Variants in SNED1 observed in about 807,000 individuals in gnomAD.
The protein encoded by SNED1 is sushi, nidogen and EGF-like domain-containing protein 1.
A neutral mutation model predicts 166.7 loss-of-function variants in SNED1; 81 were observed. The ratio of observed to expected loss-of-function variants is 0.49; its 90% confidence interval spans 0.41 to 0.58. The LOEUF is 0.58. Ranked by LOEUF, SNED1 falls within the 20% of genes least tolerant of loss-of-function variation. SNED1 has a pLI of 0.00. For synonymous variants in SNED1, 762 were observed against 822.0 expected, an observed-to-expected ratio of 0.93 and a Z score of 1.25; for missense variants, 1,604 against 2,000.2, an observed-to-expected ratio of 0.80 and a Z score of 3.78.
rs1001577952 is a variant in SNED1, at chr2:241,018,449, G to A, written c.214-11835G>A. On this transcript the variant is annotated intron_variant, in intron 1 of 31. Coordinates refer to ENST00000310397, the MANE Select transcript of SNED1 (RefSeq NM_001080437.3). The surrounding 1 kb of genome is among the most constrained non-coding windows in gnomAD (Gnocchi z 5.4). Reference sequence around the variant, plus strand: ...CCTTGCCAGGTGCTGGATTTAAGGGGCAAAGAACATTCGTTGTTCACTCAG... The same window carrying A: ...CCTTGCCAGGTGCTGGATTTAAGGGACAAAGAACATTCGTTGTTCACTCAG... Among the ~76,000 whole-genome samples, 1 of 152,188 alleles carries A rather than the reference G, an allele frequency of 6.6e-6. No individual in the cohort carries two copies. Among genetic ancestry groups the A allele is most frequent in the African/African-American group, 2.4e-5 (1 of 41,440 alleles).
In SNED1 at chr2:241,068,842, G is replaced by A. The variant is rs2062580138; in HGVS notation, c.3195-69G>A. The A allele has an allele frequency of 3.0e-5, 33 of 1,106,326 alleles. No individual in the cohort carries two copies. Among genetic ancestry groups the A allele is most frequent in the Admixed American group, 1.5e-4 (6 of 40,658 alleles). 68.5% of individuals were successfully genotyped at this position (1,106,326 alleles called of 1,614,324 possible). A position where few individuals can be genotyped will look rare whatever the true frequency, so the allele number is the denominator to read the frequency against. On this transcript the variant is annotated intron_variant, in intron 22 of 31. Coordinates refer to ENST00000310397, the MANE Select transcript of SNED1 (RefSeq NM_001080437.3). The surrounding 1 kb of genome is among the most constrained non-coding windows in gnomAD (Gnocchi z 5.3). The stretch of plus-strand genomic sequence containing the variant: ...GTCACCTCCTGCCTGGGGGAGCTGC[G>A]GTCTGGCAGCAGAGTCACACACAGG...
At position 241,068,547 on chromosome 2, in the gene SNED1, C is replaced by G. The variant is rs542581400; in HGVS notation, c.3195-364C>G. Among the ~76,000 whole-genome samples the G allele has an allele frequency of 7.2e-5, 11 of 152,136 alleles. No individual in the cohort carries two copies. The highest frequency in any genetic ancestry group is 1.2e-4 in the Non-Finnish European group (8 of 68,014). On this transcript the variant is annotated intron_variant, in intron 22 of 31. Coordinates refer to ENST00000310397, the MANE Select transcript of SNED1 (RefSeq NM_001080437.3). This position sits in a 1 kb window ranked among gnomAD's most constrained non-coding sequence, Gnocchi z 5.3. ...GGGGTGGCATTGGCCTCACGTTGTC[C>G]TGTGGTTTCCTGAGAATTTACATCA...
At chr2:241,061,546 C>A (rs1244001921) in intron 16 of SNED1, among the ~76,000 whole-genome samples, 2 of 152,154 alleles carry the variant, frequency 1.3e-5, no homozygotes, top group Non-Finnish European at 2.9e-5. Context: ...AACTTCACGT[C>A]TGCACCAGGA....
Position 241,036,848 on chromosome 2 carries a change from C to T in SNED1, c.864C>T (p.Cys288=), listed in dbSNP as rs752248226. ...ACGGCGGCAAGTGCATCGACGACTG[C>T]GTCACGGGCAACCCCTCCTACACCT... ...CLNGGKCIDD[C]VTGNPSYTCS... The change falls in exon 5 of 32, where the codon TGC becomes TGT. Residue 288 remains cysteine (C), a synonymous_variant. Transcript: ENST00000310397. The T allele has an allele frequency of 2.5e-6, 4 of 1,611,618 alleles. No individual in the cohort carries two copies. The highest frequency in any genetic ancestry group is 3.3e-5 in the Admixed American group (2 of 60,010).
chr2:241,055,324 T>A (rs1345800863), intron 16 of SNED1, among the ~76,000 whole-genome samples: 1 of 152,110 alleles, frequency 6.6e-6, no homozygotes, highest in East Asian at 1.9e-4. Flanking sequence ...CCAGACACAT[T>A]ATAGTAAAAT....
chr2:241,052,458 G>C lies in SNED1; in HGVS notation c.2073G>C (p.Arg691=). 6.2e-7 allele frequency: 1 copy of C among 1,607,100 alleles called. No homozygotes were observed. The highest frequency in any genetic ancestry group is 8.5e-7 in the Non-Finnish European group (1 of 1,177,330). The change falls in exon 15 of 32, where the codon CGG becomes CGC. Residue 691 remains arginine, a synonymous_variant. Transcript: ENST00000310397. ...CHCQAGYMGR[R]CQAEVDCGPP... is the part of the protein sequence containing the mutation. The stretch of plus-strand genomic sequence containing the variant: ...GCCAAGCAGGGTACATGGGACGCCG[G>C]TGCCAGGCAGGTGAGAGGGTCAGGG...
rs2064100539 is a variant in SNED1, at chr2:241,092,541, A to G, written c.*905A>G. 1.3e-5 allele frequency: 2 copies of G among 152,180 alleles called. No homozygotes were observed. The highest frequency in any genetic ancestry group is 2.9e-5 in the Non-Finnish European group (2 of 68,032). 9.4% of individuals were successfully genotyped at this position (152,180 alleles called of 1,614,324 possible). ...AGCCATCCCCTGAATGACAAGTCAC[A>G]AGGGTATCAAAGAAAGACCCCTGAA... On this transcript the variant is annotated 3_prime_UTR_variant, in exon 32 of 32. Coordinates refer to ENST00000310397, the MANE Select transcript of SNED1 (RefSeq NM_001080437.3). This position sits in a 1 kb window ranked among gnomAD's most constrained non-coding sequence, Gnocchi z 4.6.
chr2:241,062,939 T>C (rs774262060), intron 17 of SNED1, 35 bp downstream of exon 17: 5 of 1,353,510 alleles, frequency 3.7e-6, no homozygotes, highest in Non-Finnish European at 5.1e-6. Flanking sequence ...GGGTGACAGC[T>C]GCAGCACACT....
intron 1 of SNED1, among the ~76,000 whole-genome samples, chr2:241,026,314 C>G (rs1272179233): frequency 6.6e-6 from 1 of 152,136 alleles, no homozygotes; most frequent in Non-Finnish European, 1.5e-5. Context: ...CTGCGCCCAG[C>G]CTGTTTTTAT....
At chr2:241,063,978 T>A in intron 18 of SNED1, 34 bp from the exon 19 acceptor site, 1 of 1,458,942 alleles carries the variant, frequency 6.9e-7, no homozygotes, top group Non-Finnish European at 9.4e-7. Context: ...ACTCCCCCCT[T>A]GCAGCTTGGG....
intron 2 of SNED1, among the ~76,000 whole-genome samples, chr2:241,031,849 C>T (rs566753171): frequency 6.6e-6 from 1 of 152,362 alleles, no homozygotes; most frequent in Non-Finnish European, 1.5e-5. Flanking sequence ...TGTATGATCA[C>T]CCATCTTTCT....
chr2:241,037,083 C>G, intron 5 of SNED1, 157 bp from the exon 6 acceptor site: 1 of 1,005,746 alleles, frequency 9.9e-7, no homozygotes. Flanking sequence ...AAGGCCATGG[C>G]CCCCTGGAGT....
In SNED1 at chr2:241,053,207, G is replaced by A. The variant is rs556938437; in HGVS notation, c.2138G>A (p.Gly713Asp). 9.9e-6 allele frequency: 16 copies of A among 1,610,072 alleles called. No individual in the cohort carries two copies. The African/African-American group carries it at 2.0e-4, about 20-fold the overall frequency. The change falls in exon 16 of 32, where the codon GGC (glycine) becomes GAC (aspartate). Residue 713 changes from glycine to aspartate, a missense_variant. Physicochemically the swap from Gly to Asp is moderately conservative, Grantham distance 94. Coordinates refer to ENST00000310397, the MANE Select transcript of SNED1 (RefSeq NM_001080437.3). Reference protein sequence around the residue: ...EVKHATLRFNGTRLGAVALYA... With the variant: ...EVKHATLRFNDTRLGAVALYA... ...AAGCACGCCACACTGCGCTTCAACGGCACGCGGCTGGGCGCGGTGGCCCTG... is the reference window on the plus strand; with the variant it reads ...AAGCACGCCACACTGCGCTTCAACGACACGCGGCTGGGCGCGGTGGCCCTG...
intron 8 of SNED1, among the ~76,000 whole-genome samples, chr2:241,045,206 C>T (rs919150753): frequency 2.0e-5 from 3 of 152,150 alleles, no homozygotes; most frequent in Admixed American, 6.6e-5. Context: ...GAAGACTCAA[C>T]GTAGTAAATA....
intron 16 of SNED1, among the ~76,000 whole-genome samples, chr2:241,059,194 C>A (rs921687547): frequency 6.6e-6 from 1 of 152,120 alleles, no homozygotes; most frequent in African/African-American, 2.4e-5. Context: ...AGAACTGACA[C>A]AAGAATAATA....
At chr2:241,070,236 A>C (rs761424411) in intron 24 of SNED1, 35 bp downstream of exon 24, 3 of 1,562,464 alleles carry the variant, frequency 1.9e-6, no homozygotes, top group South Asian at 1.2e-5. Flanking sequence ...GGGCGGGGCC[A>C]GTGTTTGCCA....
In SNED1 at chr2:241,013,186, C is replaced by T. The variant is rs974656361; in HGVS notation, c.213+14136C>T. 2.6e-5 allele frequency among the ~76,000 whole-genome samples: 4 copies of T among 152,226 alleles called. No individual in the cohort carries two copies. Among genetic ancestry groups the T allele is most frequent in the Admixed American group, 1.3e-4 (2 of 15,288 alleles). ...CATGCATTACATGGAGACCCCAGAA[C>T]TTACTCATCCTGTCTGACTGAAGGT... On this transcript the variant is annotated intron_variant, in intron 1 of 31. Transcript: ENST00000310397. This position sits in a 1 kb window ranked among gnomAD's most constrained non-coding sequence, Gnocchi z 4.6.
chr2:241,078,651 G>A (rs1354703427), intron 27 of SNED1, among the ~76,000 whole-genome samples: 1 of 151,778 alleles, frequency 6.6e-6, no homozygotes, highest in Non-Finnish European at 1.5e-5. Context: ...AGGGGATGGG[G>A]AAGGCAGTAA....
At chr2:241,024,524 G>A (rs900611060) in intron 1 of SNED1, among the ~76,000 whole-genome samples, 2 of 151,202 alleles carry the variant, frequency 1.3e-5, no homozygotes, top group African/African-American at 2.4e-5. Flanking sequence ...GGGATTACAG[G>A]TGTAAGCCAC....
Sources: gnomAD v4.1 joint callset for allele counts (sites outside exome capture counted in the v4.1 genomes callset) on GRCh38, gnomAD v4.1.1 for gene constraint, Gnocchi (gnomAD v3.1) non-coding constraint, MANE v1.5 for transcripts, NCBI Gene and HGNC (gene_info 2026-07-23, HGNC 2026-07-21) for gene names.